Variants in ATRN observed in about 807,000 individuals in gnomAD.
ATRN encodes attractin-2.
Under a neutral mutation model 178.7 loss-of-function variants are expected in ATRN, and 54 were observed. The ratio of observed to expected loss-of-function variants is 0.30; its 90% CI spans 0.24 to 0.38. ATRN has a LOEUF of 0.38. Among genes scored for constraint, ATRN ranks in the 10% least tolerant of loss-of-function variants. The pLI is 1.00. For missense variants in ATRN, 1,443 were observed against 1,815.1 expected (o/e 0.79, Z 3.73); for synonymous variants, 636 against 663.0 (o/e 0.96, Z 0.63).
At position 3,572,965 on chromosome 20, in the gene ATRN, T is replaced by TC. The variant is rs747319414; in HGVS notation, c.2092+15dup. On this transcript the variant is annotated intron_variant, in intron 12 of 28. Transcript: ENST00000262919. ...TTTCCAAAAGAAGTATGTTTTTTTTTCTCTACTTAGATTTTAATGAATTTG... is the reference window on the plus strand; with the variant it reads ...TTTCCAAAAGAAGTATGTTTTTTTTTCCTCTACTTAGATTTTAATGAATTTG... The TC allele has an allele frequency of 4.4e-6, 7 of 1,605,164 alleles. No individual in the cohort carries two copies. The African/African-American group carries it at 9.4e-5, about 21-fold the overall frequency.
chr20:3,549,162 T>G lies in ATRN; in HGVS notation c.944-8T>G. The G allele has an allele frequency of 6.3e-7, 1 of 1,575,750 alleles. No homozygotes were observed. Among genetic ancestry groups the G allele is most frequent in the African/African-American group, 1.4e-5 (1 of 72,806 alleles). On this transcript the variant is annotated splice_polypyrimidine_tract_variant and splice_region_variant and intron_variant, in intron 5 of 28. Coordinates refer to ENST00000262919, the MANE Select transcript of ATRN (RefSeq NM_139321.3). ...TTTTGTGAAGCTAATTCATTATGTT[T>G]TTATTAGGTCCTGGATGTTCAGTTC...
intron 1 of ATRN, among the ~76,000 whole-genome samples, chr20:3,478,758 A>G (rs1455143218): frequency 6.6e-6 from 1 of 152,062 alleles, no homozygotes; most frequent in African/African-American, 2.4e-5. Context: ...GAAGGATCCC[A>G]TTCCTTTCAC....
intron 1 of ATRN, among the ~76,000 whole-genome samples, chr20:3,519,731 T>C (rs2085262302): frequency 6.6e-6 from 1 of 151,730 alleles, no homozygotes. Context: ...TCCACAACTA[T>C]TGAAATGAAA....
At chr20:3,576,790 T>A in intron 13 of ATRN, 69 bp from the exon 14 acceptor site, 1 of 1,549,736 alleles carries the variant, frequency 6.5e-7, no homozygotes, top group Non-Finnish European at 8.8e-7. Context: ...GTCTATAATA[T>A]CCTGTTGGTC....
intron 1 of ATRN, among the ~76,000 whole-genome samples, chr20:3,517,657 G>T (rs2085224051): frequency 6.7e-6 from 1 of 150,374 alleles, no homozygotes; most frequent in South Asian, 2.2e-4. Flanking sequence ...TGTAATCCCA[G>T]CTACTTGGGA....
At chr20:3,582,407 A>G (rs1016068403) in intron 16 of ATRN, 53 bp downstream of exon 16, 6 of 1,498,820 alleles carry the variant, frequency 4.0e-6, no homozygotes, top group Middle Eastern at 2.4e-4. Flanking sequence ...GAGAGAAACC[A>G]TAGGAGGCAT....
At chr20:3,610,686 C>T (rs2086750658) in intron 24 of ATRN, among the ~76,000 whole-genome samples, 1 of 150,512 alleles carries the variant, frequency 6.6e-6, no homozygotes. Context: ...GATCCTCCTG[C>T]CTCAGCCTCC....
chr20:3,605,705 A>G (rs1028950279), intron 24 of ATRN, among the ~76,000 whole-genome samples: 1 of 152,188 alleles, frequency 6.6e-6, no homozygotes, highest in African/African-American at 2.4e-5. Flanking sequence ...AGCCGAGAAC[A>G]CATGGACACA....
intron 24 of ATRN, among the ~76,000 whole-genome samples, chr20:3,604,665 G>C (rs2086655444): frequency 6.6e-6 from 1 of 152,202 alleles, no homozygotes; most frequent in African/African-American, 2.4e-5. Flanking sequence ...GACATGAGAT[G>C]ATCCCAGAAA....
In ATRN at chr20:3,584,813, G is replaced by A. The variant is rs367722107; in HGVS notation, c.3117G>A (p.Gln1039=). 6.2e-7 allele frequency: 1 copy of A among 1,614,064 alleles called. No individual in the cohort carries two copies. Among genetic ancestry groups the A allele is most frequent in the Non-Finnish European group, 8.5e-7 (1 of 1,180,044 alleles). ...CCCCTACAGGAAATTTCTATCCACA[G>A]CCCCTGCTCAATTCCAGCATGTGTC... ...SQAPTGNFYP[Q]PLLNSSMCLE... The change falls in exon 18 of 29, where the codon CAG becomes CAA. Residue 1039 remains glutamine (Q), a synonymous_variant. Transcript: ENST00000262919.
intron 19 of ATRN, 30 bp from the exon 20 acceptor site, chr20:3,594,449 G>A (rs1339104775): frequency 6.4e-7 from 1 of 1,562,344 alleles, no homozygotes; most frequent in South Asian, 1.2e-5. Context: ...TAAGCCAGTT[G>A]TGACCTCTGT....
At chr20:3,547,993 A>G (rs1443071900) in intron 5 of ATRN, among the ~76,000 whole-genome samples, 2 of 152,232 alleles carry the variant, frequency 1.3e-5, no homozygotes, top group African/African-American at 4.8e-5. Context: ...CCCCTTCCTC[A>G]GAACCTTTTT....
intron 24 of ATRN, among the ~76,000 whole-genome samples, chr20:3,611,297 G>A (rs895289247): frequency 1.3e-5 from 2 of 152,144 alleles, no homozygotes; most frequent in Admixed American, 6.5e-5. Flanking sequence ...TTCTGGGAAA[G>A]CACTTGAATC....
chr20:3,560,658 C>G lies in ATRN; in HGVS notation c.1204-4C>G, dbSNP rs1394250198. Reference sequence around the variant, plus strand: ...TAAAAATTTTGTTTGCATTTTTTTCCTAGGATAAAATTTACATGTATGGAG... The same window carrying G: ...TAAAAATTTTGTTTGCATTTTTTTCGTAGGATAAAATTTACATGTATGGAG... On this transcript the variant is annotated splice_polypyrimidine_tract_variant and splice_region_variant and intron_variant, in intron 7 of 28. Coordinates refer to ENST00000262919, the MANE Select transcript of ATRN (RefSeq NM_139321.3). 6.3e-7 allele frequency: 1 copy of G among 1,596,530 alleles called. No individual in the cohort carries two copies.
intron 11 of ATRN, among the ~76,000 whole-genome samples, chr20:3,570,026 G>A (rs899646704): frequency 4.0e-5 from 6 of 151,352 alleles, no homozygotes; most frequent in African/African-American, 1.2e-4. Context: ...AGCTATGATG[G>A]TGCTGTTGCA....
At chr20:3,623,450 A>T (rs2086912413) in intron 24 of ATRN, among the ~76,000 whole-genome samples, 1 of 152,214 alleles carries the variant, frequency 6.6e-6, no homozygotes, top group Admixed American at 6.5e-5. Context: ...TCAAAAAGAA[A>T]ATAGGGCCAT....
intron 1 of ATRN, 133 bp from the exon 2 acceptor site, chr20:3,535,120 A>T (rs958577843): frequency 7.3e-6 from 2 of 274,890 alleles, no homozygotes; most frequent in Non-Finnish European, 1.3e-5. Flanking sequence ...GTGTTTGTTA[A>T]TGTACCCATT....
At position 3,471,486 on chromosome 20, in the gene ATRN, G is replaced by C; in HGVS notation, c.379G>C (p.Glu127Gln). The C allele has an allele frequency of 7.1e-7, 1 of 1,410,822 alleles. No individual in the cohort carries two copies. Among genetic ancestry groups the C allele is most frequent in the Admixed American group, 3.5e-5 (1 of 28,324 alleles). 87.4% of individuals were successfully genotyped at this position (1,410,822 alleles called of 1,614,324 possible). Residue 127 changes from glutamate to glutamine, a missense_variant, in exon 1 of 29, where the codon GAG becomes CAG. Transcript: ENST00000262919. Reference sequence around the variant, plus strand: ...CGTCTGCCCCGCCGGCTGGGTGGGCGAGCAATGCCAGCACTGCGGGGGCCG... The same window carrying C: ...CGTCTGCCCCGCCGGCTGGGTGGGCCAGCAATGCCAGCACTGCGGGGGCCG... Reference protein sequence around the residue: ...QCVCPAGWVGEQCQHCGGRFR... With the variant: ...QCVCPAGWVGQQCQHCGGRFR...
At chr20:3,597,235 C>A (rs1300931787) in intron 21 of ATRN, among the ~76,000 whole-genome samples, 2 of 151,628 alleles carry the variant, frequency 1.3e-5, no homozygotes, top group Non-Finnish European at 2.9e-5. Flanking sequence ...CATAAAAAGC[C>A]ACAGACTAGA....
Sources: gnomAD v4.1 joint callset for allele counts (sites outside exome capture counted in the v4.1 genomes callset) on GRCh38, gnomAD v4.1.1 for gene constraint, MANE v1.5 for transcripts, NCBI Gene and HGNC (gene_info 2026-07-23, HGNC 2026-07-21) for gene names.